CPNE3: variants seen among roughly 807,000 people sequenced by gnomAD.
The protein encoded by CPNE3 is copine-3.
A neutral mutation model predicts 63.9 loss-of-function variants in CPNE3; 68 were observed. That is an observed-to-expected ratio of 1.06 (90% CI 0.87 to 1.30). The LOEUF (loss-of-function observed/expected upper bound fraction) is 1.30. Ranked by LOEUF, CPNE3 falls within the 50% of genes most tolerant of loss-of-function variation. The pLI is 0.00. For missense variants in CPNE3, 665 were observed against 578.1 expected (o/e 1.15, Z -1.54); for synonymous variants, 219 against 197.5 (o/e 1.11, Z -0.91).
chr8:86,535,598 G>T (rs1820786181), intron 6 of CPNE3, among the ~76,000 whole-genome samples: 1 of 151,986 alleles, frequency 6.6e-6, no homozygotes, highest in South Asian at 2.1e-4. Flanking sequence ...AACCCAGGAG[G>T]GGGAGGTTAC....
chr8:86,550,478 G>C (rs913138086), intron 12 of CPNE3, among the ~76,000 whole-genome samples: 5 of 152,136 alleles, frequency 3.3e-5, no homozygotes, highest in African/African-American at 1.2e-4. Flanking sequence ...GTTCATTATG[G>C]TGTTTTATAA....
chr8:86,550,535 G>T lies in CPNE3; in HGVS notation c.1014-511G>T, dbSNP rs543654937. 3.3e-5 allele frequency among the ~76,000 whole-genome samples: 5 copies of T among 152,292 alleles called. No individual in the cohort carries two copies. In the East Asian group the frequency reaches 9.6e-4, roughly 29 times the overall value. On this transcript the variant is annotated intron_variant, in intron 12 of 16. Coordinates refer to ENST00000517490, the MANE Select transcript of CPNE3 (RefSeq NM_003909.5). ...ACATCTGGGGGAGGATATCCATTTT[G>T]TGGGATACTCAGTGGCTATTCATGT...
In CPNE3 at chr8:86,537,563, G is replaced by A; in HGVS notation, c.460G>A (p.Asp154Asn). 1 of 1,577,982 alleles carries A rather than the reference G, an allele frequency of 6.3e-7. No homozygotes were observed. The highest frequency in any genetic ancestry group is 1.1e-5 in the South Asian group (1 of 90,414). Residue 154 changes from aspartate (D) to asparagine (N), a missense_variant and splice_region_variant, in exon 7 of 17, where the codon GAT becomes AAT. By Grantham distance (23) the Asp-to-Asn change is conservative. Transcript: ENST00000517490. ...TTTTTGTTGTTTGTTTTAAATGTAG[G>A]ATCTATTTGGAAAGTCAGACCCATA... Reference protein sequence around the residue: ...EMEARKLDNKDLFGKSDPYLE... With the variant: ...EMEARKLDNKNLFGKSDPYLE...
intron 9 of CPNE3, among the ~76,000 whole-genome samples, chr8:86,545,752 C>A (rs1249477731): frequency 6.6e-6 from 1 of 152,098 alleles, no homozygotes; most frequent in Non-Finnish European, 1.5e-5. Flanking sequence ...GGTGACTTAT[C>A]AAGCATTTAT....
intron 2 of CPNE3, among the ~76,000 whole-genome samples, chr8:86,525,526 G>A (rs1185514359): frequency 6.6e-6 from 1 of 152,158 alleles, no homozygotes; most frequent in African/African-American, 2.4e-5. Flanking sequence ...GCTAATAGAA[G>A]AAATTTGTTT....
intron 6 of CPNE3, among the ~76,000 whole-genome samples, chr8:86,533,024 T>TTATCTATC (rs56759618): frequency 0.12 from 17,278 of 145,454 alleles, 1,086 homozygotes; most frequent in South Asian, 0.14. Context: ...TTTATCTATC[T>TTATCTATC]TATCTATCTA....
intron 16 of CPNE3, among the ~76,000 whole-genome samples, chr8:86,557,086 C>G (rs1159535316): frequency 2.6e-5 from 4 of 152,146 alleles, no homozygotes; most frequent in African/African-American, 9.7e-5. Context: ...GCCTGTTTTT[C>G]TCTCTGATAC....
At chr8:86,527,868 G>T (rs1456275545) in intron 2 of CPNE3, among the ~76,000 whole-genome samples, 1 of 149,604 alleles carries the variant, frequency 6.7e-6, no homozygotes, top group Non-Finnish European at 1.5e-5. Flanking sequence ...ATAATGCTAT[G>T]CATACCTTTA....
chr8:86,517,431 C>A lies in CPNE3; in HGVS notation c.-11+1932C>A, dbSNP rs114980533. 9.1e-3 allele frequency among the ~76,000 whole-genome samples: 1,381 copies of A among 152,220 alleles called. 24 individuals are homozygous for A. Among genetic ancestry groups the A allele is most frequent in the African/African-American group, 0.032 (1,309 of 41,510 alleles). ...ACACATTGTTATCCGGCTATTTCACCTTCCCTGGCTTTTAGTTTACCACGC... is the reference window on the plus strand; with the variant it reads ...ACACATTGTTATCCGGCTATTTCACATTCCCTGGCTTTTAGTTTACCACGC... On this transcript the variant is annotated intron_variant, in intron 2 of 16. Coordinates refer to ENST00000517490, the MANE Select transcript of CPNE3 (RefSeq NM_003909.5).
intron 14 of CPNE3, among the ~76,000 whole-genome samples, chr8:86,553,584 G>A (rs900788566): frequency 5.3e-5 from 8 of 152,206 alleles, no homozygotes; most frequent in African/African-American, 1.9e-4. Flanking sequence ...GTTTGTGTAA[G>A]TATACTCTAT....
chr8:86,541,172 C>T (rs1307289159), intron 8 of CPNE3, among the ~76,000 whole-genome samples: 5 of 152,284 alleles, frequency 3.3e-5, no homozygotes, highest in Middle Eastern at 3.4e-3. Flanking sequence ...GATTTGGAGT[C>T]AGACCACAGT....
In CPNE3 at chr8:86,531,222, G is replaced by A. The variant is rs1405534696; in HGVS notation, c.380G>A (p.Ser127Asn). ...MKTGRPAGKGSITISAEEIKD... is the reference protein window; with the variant it reads ...MKTGRPAGKGNITISAEEIKD... ...ACTGGCAGACCTGCAGGAAAAGGGA[G>A]CATTACGGTAAAAATAAGATATTTG... Residue 127 changes from serine (S) to asparagine (N), a missense_variant, in exon 5 of 17, where the codon AGC becomes AAC. Physicochemically the swap from Ser to Asn is conservative, Grantham distance 46 (BLOSUM62 1). Coordinates refer to ENST00000517490, the MANE Select transcript of CPNE3 (RefSeq NM_003909.5). 1 of 1,182,446 alleles carries A rather than the reference G, an allele frequency of 8.5e-7. No homozygotes were observed. The highest frequency in any genetic ancestry group is 1.2e-5 in the South Asian group (1 of 82,542). The allele number at this position is 1,182,446 out of a possible 1,614,324, so 73.2% of individuals were successfully genotyped here. A position where few individuals can be genotyped will look rare whatever the true frequency, so the allele number is the denominator to read the frequency against.
intron 2 of CPNE3, among the ~76,000 whole-genome samples, chr8:86,520,975 T>C (rs1056781757): frequency 1.3e-5 from 2 of 152,200 alleles, no homozygotes; most frequent in African/African-American, 2.4e-5. Context: ...TGTATATTTA[T>C]GCTTGACATT....
intron 6 of CPNE3, among the ~76,000 whole-genome samples, chr8:86,535,266 G>A (rs1314245563): frequency 6.6e-6 from 1 of 151,784 alleles, no homozygotes; most frequent in Non-Finnish European, 1.5e-5. Flanking sequence ...CACTGTTGTG[G>A]GTTATTGTCA....
chr8:86,524,748 T>C (rs1351390515), intron 2 of CPNE3: 1 of 146,392 alleles, frequency 6.8e-6, no homozygotes, highest in African/African-American at 2.5e-5. Context: ...CATAGCTTAC[T>C]GTGGCCTCGA....
At chr8:86,519,692 A>T (rs1820389637) in intron 2 of CPNE3, among the ~76,000 whole-genome samples, 1 of 152,152 alleles carries the variant, frequency 6.6e-6, no homozygotes, top group African/African-American at 2.4e-5. Flanking sequence ...AAGTTTCTAG[A>T]TACATTTTTT....
intron 7 of CPNE3, among the ~76,000 whole-genome samples, chr8:86,539,547 T>A (rs147696696): frequency 2.0e-5 from 3 of 152,210 alleles, no homozygotes; most frequent in East Asian, 3.9e-4. Context: ...ATTTCTCCAA[T>A]TCAATTCCAA....
intron 7 of CPNE3, 105 bp downstream of exon 7, chr8:86,537,751 CT>C: frequency 1.4e-6 from 1 of 720,122 alleles, no homozygotes; most frequent in East Asian, 2.7e-5. Flanking sequence ...TGAGTTCATA[CT>C]TACATATAGC....
Position 86,531,184 on chromosome 8 carries a change from A to T in CPNE3, c.342A>T (p.Pro114=). ...TTTCCAGCAAGAAGCTAACTCGACC[A>T]CTGGTGATGAAAACTGGCAGACCTG... is the stretch of plus-strand genomic sequence containing the variant. ...QIVSSKKLTR[P]LVMKTGRPAG... Residue 114 remains proline, a synonymous_variant, in exon 5 of 17, where the codon CCA becomes CCT. Coordinates refer to ENST00000517490, the MANE Select transcript of CPNE3 (RefSeq NM_003909.5). The T allele has an allele frequency of 7.6e-7, 1 of 1,312,902 alleles. No homozygotes were observed. Among genetic ancestry groups the T allele is most frequent in the Non-Finnish European group, 1.1e-6 (1 of 904,896 alleles). The allele number at this position is 1,312,902 out of a possible 1,614,324, so 81.3% of individuals were successfully genotyped here.
Sources: allele counts gnomAD v4.1 joint callset (sites outside exome capture counted in the v4.1 genomes callset), GRCh38; gene constraint gnomAD v4.1.1; transcripts MANE v1.5; gene names NCBI Gene and HGNC (gene_info 2026-07-23, HGNC 2026-07-21).